ZNF331: variants seen among roughly 807,000 people sequenced by gnomAD.
ZNF331 encodes C2H2-like zinc finger protein rearranged in thyroid adenomas.
ZNF331 carries 2 observed loss-of-function variants against 7.0 expected under a neutral mutation model. The observed-to-expected ratio is 0.29, with a 90% confidence interval of 0.12 to 0.90. The LOEUF (loss-of-function observed/expected upper bound fraction) is 0.90. Among genes scored for constraint, ZNF331 ranks in the 40% least tolerant of loss-of-function variants. The pLI, the probability that ZNF331 is intolerant of heterozygous loss-of-function variation, is 0.58. For missense variants in ZNF331, 432 were observed against 587.7 expected (o/e 0.74, Z 2.74); for synonymous variants, 196 against 205.4 (o/e 0.95, Z 0.39).
At chr19:53,507,210 G>A in the ZNF331 span, among the ~76,000 whole-genome samples, 1 of 152,114 alleles carries the variant, frequency 6.6e-6, no homozygotes, top group East Asian at 1.9e-4. Context: ...CCACCTAGAG[G>A]TGCCTGTGGG....
intron 3 of ZNF331, among the ~76,000 whole-genome samples, chr19:53,567,703 G>A (rs1277144313): frequency 1.3e-5 from 2 of 151,768 alleles, no homozygotes; most frequent in African/African-American, 4.8e-5. Flanking sequence ...AATTAGCCAA[G>A]TGCAGTGGTG....
chr19:53,528,065 T>C (rs780720459), intron 2 of ZNF331, among the ~76,000 whole-genome samples: 12 of 152,232 alleles, frequency 7.9e-5, no homozygotes, highest in Non-Finnish European at 1.8e-4. Context: ...GAATCTCCCA[T>C]ATCACATAGA....
chr19:53,525,036 T>C (rs1568458835), intron 2 of ZNF331, among the ~76,000 whole-genome samples: 1 of 152,206 alleles, frequency 6.6e-6, no homozygotes, highest in Non-Finnish European at 1.5e-5. Context: ...TTTCCCCATT[T>C]CTTGTTTTTG....
chr19:53,555,931 T>A (rs1445825411), intron 3 of ZNF331, 23 bp downstream of exon 3: 2 of 146,668 alleles, frequency 1.4e-5, no homozygotes, highest in Admixed American at 6.7e-5. Context: ...TTTTTTTTTT[T>A]AATTAAATCA....
chr19:53,547,019 T>C (rs1003299185), intron 2 of ZNF331, among the ~76,000 whole-genome samples: 5 of 152,210 alleles, frequency 3.3e-5, no homozygotes, highest in African/African-American at 1.2e-4. Flanking sequence ...GTGTTTATAC[T>C]GCAGATTAAA....
At chr19:53,509,543 C>T in the ZNF331 span, among the ~76,000 whole-genome samples, 1 of 152,148 alleles carries the variant, frequency 6.6e-6, no homozygotes, top group Admixed American at 6.5e-5. Flanking sequence ...AGTGTATACA[C>T]AGGAAGTAGA....
At chr19:53,554,191 G>C (rs545154083) in intron 2 of ZNF331, among the ~76,000 whole-genome samples, 2 of 152,182 alleles carry the variant, frequency 1.3e-5, no homozygotes, top group Non-Finnish European at 2.9e-5. Flanking sequence ...GGGGACCGCC[G>C]AGTGCGCCTG....
At chr19:53,503,440 T>C in the ZNF331 span, 2 of 611,644 alleles carry the variant, frequency 3.3e-6, no homozygotes, top group Non-Finnish European at 5.9e-6. Context: ...TCGCAGACTG[T>C]ACTTGGAATC....
upstream of ZNF331, among the ~76,000 whole-genome samples, chr19:53,520,607 G>T (rs2087030981): frequency 2.0e-5 from 3 of 152,192 alleles, no homozygotes; most frequent in Admixed American, 6.5e-5. Flanking sequence ...AACAGTGGGA[G>T]GAGACACCGA....
chr19:53,545,524 G>A (rs1159855167), intron 2 of ZNF331, among the ~76,000 whole-genome samples: 3 of 152,150 alleles, frequency 2.0e-5, no homozygotes, highest in Admixed American at 2.0e-4. Context: ...CCCCACTCAA[G>A]AGGCCAGACG....
At chr19:53,510,779 AT>A in the ZNF331 span, among the ~76,000 whole-genome samples, 1 of 151,824 alleles carries the variant, frequency 6.6e-6, no homozygotes, top group African/African-American at 2.4e-5. Context: ...TATAATATTG[AT>A]TTTTTTTACC....
At chr19:53,535,003 A>C (rs1429813422), upstream of ZNF331, among the ~76,000 whole-genome samples, 2 of 134,730 alleles carry the variant, frequency 1.5e-5, no homozygotes, top group Non-Finnish European at 3.1e-5. Context: ...AATGGGATTA[A>C]TGAAAGCCTG....
intron 2 of ZNF331, among the ~76,000 whole-genome samples, chr19:53,547,714 A>G (rs995559333): frequency 6.6e-6 from 1 of 152,116 alleles, no homozygotes; most frequent in Non-Finnish European, 1.5e-5. Context: ...AATAAAAGCC[A>G]TTCTTACATG....
chr19:53,571,874 T>G lies in ZNF331; in HGVS notation c.136+144T>G. On this transcript the variant is annotated intron_variant, in intron 5 of 5. Coordinates refer to ENST00000449416, the MANE Select transcript of ZNF331 (RefSeq NM_001079906.2). The surrounding 1 kb of genome is among the most constrained non-coding windows in gnomAD (Gnocchi z 4.7). ...GTATTGAGCCTTATTGATGTGGCCG[T>G]GAGCACCACAACCTTCCCCTCCCAT... is the stretch of plus-strand genomic sequence containing the variant. 9.3e-7 allele frequency: 1 copy of G among 1,079,692 alleles called. No individual in the cohort carries two copies. Among genetic ancestry groups the G allele is most frequent in the East Asian group, 2.6e-5 (1 of 38,252 alleles). 66.9% of individuals were successfully genotyped at this position (1,079,692 alleles called of 1,614,324 possible). A position where few individuals can be genotyped will look rare whatever the true frequency, so the allele number is the denominator to read the frequency against.
chr19:53,556,814 T>A (rs963435186), intron 3 of ZNF331, among the ~76,000 whole-genome samples: 2 of 151,932 alleles, frequency 1.3e-5, no homozygotes, highest in East Asian at 1.9e-4. Context: ...TATATTTTTA[T>A]TTTTATTTTG....
chr19:53,523,455 G>A (rs2087168602), intron 2 of ZNF331: 1 of 152,042 alleles, frequency 6.6e-6, no homozygotes, highest in Non-Finnish European at 1.5e-5. Flanking sequence ...CTGATTTCAA[G>A]TTATCTGCCC....
Position 53,571,585 on chromosome 19 carries a change from G to C in ZNF331, c.10-19G>C. On this transcript the variant is annotated intron_variant, in intron 4 of 5. Transcript: ENST00000449416. This position sits in a 1 kb window ranked among gnomAD's most constrained non-coding sequence, Gnocchi z 4.7. Reference sequence around the variant, plus strand: ...TGTTTCCTTTCATTTCATCATGCACGTGTGGGTTTCTGTTTCAGGGTTTGG... The same window carrying C: ...TGTTTCCTTTCATTTCATCATGCACCTGTGGGTTTCTGTTTCAGGGTTTGG... The C allele has an allele frequency of 1.9e-6, 3 of 1,612,256 alleles. No individual in the cohort carries two copies. Among genetic ancestry groups the C allele is most frequent in the Non-Finnish European group, 2.5e-6 (3 of 1,179,206 alleles).
chr19:53,544,546 A>G (rs1418702395), intron 2 of ZNF331, among the ~76,000 whole-genome samples: 1 of 145,240 alleles, frequency 6.9e-6, no homozygotes, highest in Non-Finnish European at 1.5e-5. Flanking sequence ...CTCCGTCTCA[A>G]AAAAAAAAAA....
At chr19:53,548,268 C>T (rs146011104) in intron 2 of ZNF331, among the ~76,000 whole-genome samples, 86 of 152,104 alleles carry the variant, frequency 5.7e-4, no homozygotes, top group Non-Finnish European at 1.1e-3. Context: ...CCACCACGCC[C>T]GGCTAATTTT....
Sources: gnomAD v4.1 joint callset for allele counts (sites outside exome capture counted in the v4.1 genomes callset) on GRCh38, gnomAD v4.1.1 for gene constraint, Gnocchi (gnomAD v3.1) non-coding constraint, MANE v1.5 for transcripts, NCBI Gene and HGNC (gene_info 2026-07-23, HGNC 2026-07-21) for gene names.